The following CWC27 variants were observed in gnomAD, a reference collection of about 807,000 sequenced individuals.
The protein encoded by CWC27 is spliceosome-associated protein CWC27 homolog.
CWC27 carries 47 observed loss-of-function variants against 63.6 expected under a neutral mutation model. That is an observed-to-expected ratio of 0.74 (90% CI 0.58 to 0.94). The LOEUF is 0.94. Ranked by LOEUF, CWC27 falls within the 40% of genes least tolerant of loss-of-function variation. CWC27 has a pLI of 0.00. For missense variants in CWC27, 495 were observed against 554.3 expected, an observed-to-expected ratio of 0.89 and a Z score of 1.07; for synonymous variants, 175 against 179.8, an observed-to-expected ratio of 0.97 and a Z score of 0.22.
intron 11 of CWC27, among the ~76,000 whole-genome samples, chr5:64,927,610 C>T (rs1341140992): frequency 2.0e-5 from 3 of 151,558 alleles, no homozygotes; most frequent in African/African-American, 7.3e-5. Flanking sequence ...AGGAACTTTC[C>T]CTTCTCCTTC....
intron 13 of CWC27, among the ~76,000 whole-genome samples, chr5:65,006,377 A>C (rs767456767): frequency 2.6e-5 from 4 of 152,204 alleles, no homozygotes; most frequent in Non-Finnish European, 4.4e-5. Context: ...GTGACCAGAT[A>C]CAAAATAAGT....
intron 7 of CWC27, among the ~76,000 whole-genome samples, chr5:64,790,424 T>C (rs372985120): frequency 3.3e-5 from 5 of 152,174 alleles, no homozygotes; most frequent in Non-Finnish European, 5.9e-5. Flanking sequence ...ATCAAAATGA[T>C]TTACTATGTG....
At position 64,885,564 on chromosome 5, in the gene CWC27, G is replaced by T; in HGVS notation, c.1042+18G>T. The T allele has an allele frequency of 6.4e-7, 1 of 1,561,434 alleles. No homozygotes were observed. The highest frequency in any genetic ancestry group is 8.7e-7 in the Non-Finnish European group (1 of 1,145,326). ...AAGTGAAGGTAAGGGCATTTATCAC[G>T]CTTATTTTTTCACTTGATACTCCTC... On this transcript the variant is annotated intron_variant, in intron 11 of 13. Transcript: ENST00000381070.
chr5:64,907,629 T>C (rs1367192913), intron 11 of CWC27, among the ~76,000 whole-genome samples: 1 of 152,208 alleles, frequency 6.6e-6, no homozygotes, highest in Non-Finnish European at 1.5e-5. Flanking sequence ...TTTGACTTCC[T>C]CTTTTCCTAA....
chr5:64,786,980 G>A (rs574129802), intron 6 of CWC27, among the ~76,000 whole-genome samples: 42 of 152,298 alleles, frequency 2.8e-4, no homozygotes, highest in African/African-American at 8.4e-4. Context: ...GGAGGAAGGC[G>A]AAGCAGTCAC....
intron 9 of CWC27, among the ~76,000 whole-genome samples, chr5:64,801,835 A>G (rs959312780): frequency 6.6e-6 from 1 of 152,192 alleles, no homozygotes; most frequent in Non-Finnish European, 1.5e-5. Context: ...TTTTCCTTTA[A>G]TACATAAGAG....
intron 11 of CWC27, among the ~76,000 whole-genome samples, chr5:64,923,025 A>G (rs944262979): frequency 1.3e-5 from 2 of 152,170 alleles, no homozygotes; most frequent in African/African-American, 4.8e-5. Context: ...GCTGCTGGCA[A>G]CAGTACTCTG....
At chr5:64,945,957 G>A (rs969848899) in intron 11 of CWC27, among the ~76,000 whole-genome samples, 1 of 152,070 alleles carries the variant, frequency 6.6e-6, no homozygotes, top group Non-Finnish European at 1.5e-5. Context: ...TAATTGATAA[G>A]TTTGTTATTG....
chr5:64,968,666 C>T (rs1323955572), intron 11 of CWC27, among the ~76,000 whole-genome samples: 1 of 152,094 alleles, frequency 6.6e-6, no homozygotes, highest in Non-Finnish European at 1.5e-5. Context: ...GAAAGCAGAT[C>T]GCTGATGCCT....
chr5:64,990,145 A>G (rs1056982760), intron 13 of CWC27, among the ~76,000 whole-genome samples: 67 of 152,268 alleles, frequency 4.4e-4, no homozygotes, highest in African/African-American at 1.3e-3. Context: ...CTGCAAGACA[A>G]ATATTCATTC....
chr5:64,935,281 A>G (rs1241195134), intron 11 of CWC27, among the ~76,000 whole-genome samples: 1 of 152,178 alleles, frequency 6.6e-6, no homozygotes, highest in Non-Finnish European at 1.5e-5. Flanking sequence ...ATTCTTGTGT[A>G]AGATGTAAGG....
At chr5:64,788,087 G>A (rs938755322) in intron 6 of CWC27, among the ~76,000 whole-genome samples, 1 of 152,008 alleles carries the variant, frequency 6.6e-6, no homozygotes, top group East Asian at 1.9e-4. Context: ...CAAAATAACT[G>A]CTTATTGGAA....
At chr5:64,983,309 C>T (rs1749361442) in intron 13 of CWC27, among the ~76,000 whole-genome samples, 1 of 152,174 alleles carries the variant, frequency 6.6e-6, no homozygotes, top group Non-Finnish European at 1.5e-5. Flanking sequence ...TGAAATCTGG[C>T]ATGATAGGAG....
At chr5:64,837,863 A>T (rs368996920) in intron 10 of CWC27, among the ~76,000 whole-genome samples, 18 of 152,234 alleles carry the variant, frequency 1.2e-4, no homozygotes, top group East Asian at 7.7e-4. Flanking sequence ...TTTTCATAGT[A>T]TTTCCTTCAG....
chr5:64,845,406 G>A (rs1745949430), intron 10 of CWC27, among the ~76,000 whole-genome samples: 1 of 152,218 alleles, frequency 6.6e-6, no homozygotes, highest in South Asian at 2.1e-4. Flanking sequence ...TATTTGGAAT[G>A]ACTGAGGAAG....
chr5:64,774,724 A>G lies in CWC27; in HGVS notation c.76A>G (p.Ile26Val). The change falls in exon 2 of 14, where the codon ATA becomes GTA. Residue 26 changes from isoleucine (I) to valine (V), a missense_variant. This residue lies in a region of CWC27 where 463 missense variants were observed against 498.1 expected (regional missense o/e 0.93). Coordinates refer to ENST00000381070, the MANE Select transcript of CWC27 (RefSeq NM_005869.4). Reference protein sequence around the residue: ...LLKTTAGDIDIELWSKEAPKA... With the variant: ...LLKTTAGDIDVELWSKEAPKA... ...GAAAACTACAGCTGGAGATATTGAC[A>G]TAGAGTTGTGGTCCAAAGAAGCTCC... 1 of 1,604,144 alleles carries G rather than the reference A, an allele frequency of 6.2e-7. No homozygotes were observed. Among genetic ancestry groups the G allele is most frequent in the Non-Finnish European group, 8.5e-7 (1 of 1,175,864 alleles).
chr5:64,856,345 C>T (rs966920362), intron 10 of CWC27, among the ~76,000 whole-genome samples: 3 of 151,836 alleles, frequency 2.0e-5, no homozygotes, highest in Non-Finnish European at 4.4e-5. Flanking sequence ...CTGTAATTTA[C>T]TGTAAAACTG....
chr5:64,810,055 A>T (rs111425284), intron 10 of CWC27, among the ~76,000 whole-genome samples: 138 of 151,436 alleles, frequency 9.1e-4, no homozygotes, highest in African/African-American at 3.3e-3. Context: ...TCTTTTATCC[A>T]TTTGGAGTTG....
rs1332317973 is a variant in CWC27 at position 64,768,945 on chromosome 5, C to G, written c.-202C>G. On this transcript the variant is annotated 5_prime_UTR_variant, in exon 1 of 14. Coordinates refer to ENST00000381070, the MANE Select transcript of CWC27 (RefSeq NM_005869.4). ...TCTCAGGGTTAGCGGTGCTCGGGTC[C>G]GGTAACAACATGGCGGCGTCCGTGA... The G allele has an allele frequency of 3.4e-6, 2 of 583,184 alleles. No individual in the cohort carries two copies. Among genetic ancestry groups the G allele is most frequent in the African/African-American group, 1.9e-5 (1 of 53,552 alleles). The allele number at this position is 583,184 out of a possible 1,614,324, so 36.1% of individuals were successfully genotyped here. A position where few individuals can be genotyped will look rare whatever the true frequency, so the allele number is the denominator to read the frequency against.
Sources: gnomAD v4.1 joint callset for allele counts (sites outside exome capture counted in the v4.1 genomes callset) on GRCh38, gnomAD v4.1.1 for gene constraint, gnomAD v4.1.1 regional missense constraint, MANE v1.5 for transcripts, NCBI Gene and HGNC (gene_info 2026-07-23, HGNC 2026-07-21) for gene names.